MYDGF: variants seen among roughly 807,000 people sequenced by gnomAD.
MYDGF encodes myeloid derived growth factor.
A neutral mutation model predicts 24.2 loss-of-function variants in MYDGF; 29 were observed. That is an observed-to-expected ratio of 1.20 (90% CI 0.89 to 1.63). The LOEUF (loss-of-function observed/expected upper bound fraction) is 1.63. Ranked by LOEUF, MYDGF falls within the 40% of genes most tolerant of loss-of-function variation. MYDGF has a pLI of 0.00. For synonymous variants in MYDGF, 105 were observed against 102.5 expected (o/e 1.02, Z -0.15); for missense variants, 245 against 234.8 (o/e 1.04, Z -0.29).
chr19:4,659,210 A>C (rs2088449709), intron 5 of MYDGF, among the ~76,000 whole-genome samples: 1 of 150,476 alleles, frequency 6.6e-6, no homozygotes, highest in Non-Finnish European at 1.5e-5. Context: ...TAAGTAGCTG[A>C]GACTACAGGT....
At position 4,657,891 on chromosome 19, in the gene MYDGF, A is replaced by G. The variant is rs2145180982; in HGVS notation, c.*114T>C. On this transcript the variant is annotated 3_prime_UTR_variant, in exon 6 of 6. Transcript: ENST00000262947. Reference sequence around the variant, plus strand: ...CGGACAAGGCAACGTCAGCCCAGGTAGAAAACTTAAGAGTCCCTCCTAGAA... The same window carrying G: ...CGGACAAGGCAACGTCAGCCCAGGTGGAAAACTTAAGAGTCCCTCCTAGAA... 1 of 975,190 alleles carries G rather than the reference A, an allele frequency of 1.0e-6. No individual in the cohort carries two copies. Among genetic ancestry groups the G allele is most frequent in the East Asian group, 2.7e-5 (1 of 37,206 alleles). 60.4% of individuals were successfully genotyped at this position (975,190 alleles called of 1,614,324 possible).
rs1271292037 is a variant in MYDGF at position 4,660,682 on chromosome 19, T to A, written c.356A>T (p.Tyr119Phe). The change falls in exon 4 of 6, where the codon TAC (tyrosine) becomes TTC (phenylalanine). Residue 119 changes from tyrosine (Y) to phenylalanine (F), a missense_variant. By Grantham distance (22) the Tyr-to-Phe change is conservative (BLOSUM62 3). Transcript: ENST00000262947. ...CAAGATACTCACGTAGGCCATGGCG[T>A]ACTCAATCTCAGCGCCCCGCACCTC... The part of the protein sequence containing the change: ...KAEVRGAEIE[Y>F]AMAYSKAAFE... 1 of 1,613,920 alleles carries A rather than the reference T, an allele frequency of 6.2e-7. No homozygotes were observed. Among genetic ancestry groups the A allele is most frequent in the Non-Finnish European group, 8.5e-7 (1 of 1,179,978 alleles).
chr19:4,663,666 C>T (rs2088496712), intron 3 of MYDGF, among the ~76,000 whole-genome samples: 1 of 110,698 alleles, frequency 9.0e-6, no homozygotes, highest in African/African-American at 3.7e-5. Flanking sequence ...TCTACAGCCT[C>T]CAGTATACCC....
At chr19:4,665,253 C>A (rs2088511714) in intron 2 of MYDGF, among the ~76,000 whole-genome samples, 2 of 152,222 alleles carry the variant, frequency 1.3e-5, no homozygotes, top group African/African-American at 4.8e-5. Flanking sequence ...GATGGAGTCT[C>A]TCTCTGTGGC....
chr19:4,667,192 G>A (rs889575778), intron 2 of MYDGF, among the ~76,000 whole-genome samples: 14 of 144,884 alleles, frequency 9.7e-5, no homozygotes, highest in Admixed American at 3.5e-4. Flanking sequence ...GCAGTGGCGC[G>A]ATCTTGGCTC....
At chr19:4,658,731 G>T (rs954550500) in intron 5 of MYDGF, among the ~76,000 whole-genome samples, 1 of 152,064 alleles carries the variant, frequency 6.6e-6, no homozygotes, top group Admixed American at 6.6e-5. Context: ...GCCTCCCCTC[G>T]GCATGCCACA....
chr19:4,663,428 A>AT (rs1412925898), intron 3 of MYDGF, among the ~76,000 whole-genome samples: 1 of 27,474 alleles, frequency 3.6e-5, no homozygotes, highest in East Asian at 1.1e-3. Flanking sequence ...CTCTCCACCC[A>AT]CCCCATCCTC....
chr19:4,662,084 C>G (rs1474796336), intron 3 of MYDGF, among the ~76,000 whole-genome samples: 1 of 152,148 alleles, frequency 6.6e-6, no homozygotes, highest in Non-Finnish European at 1.5e-5. Context: ...GGGGCCTTGG[C>G]CTGCCTGTGA....
In MYDGF at chr19:4,668,581, T is replaced by A. The variant is rs1047261307; in HGVS notation, c.225+14A>T. The A allele has an allele frequency of 1.2e-6, 2 of 1,606,258 alleles. No individual in the cohort carries two copies. The highest frequency in any genetic ancestry group is 8.5e-7 in the Non-Finnish European group (1 of 1,173,074). ...ACTGTCACAGTAAGCTAGAGGGAAT[T>A]TTGAACAACTCACCTCATTGGTCCC... On this transcript the variant is annotated intron_variant, in intron 2 of 5. Transcript: ENST00000262947.
chr19:4,665,970 T>C (rs1371187445), intron 2 of MYDGF, among the ~76,000 whole-genome samples: 2 of 151,590 alleles, frequency 1.3e-5, no homozygotes, highest in Admixed American at 6.6e-5. Context: ...CATATGGGTG[T>C]GAAAACCAAG....
At chr19:4,666,574 C>A (rs1415520079) in intron 2 of MYDGF, among the ~76,000 whole-genome samples, 5 of 152,210 alleles carry the variant, frequency 3.3e-5, no homozygotes, top group East Asian at 1.9e-4. Context: ...CCGCGCCCAG[C>A]CCAGTTTTAC....
chr19:4,661,646 T>G (rs1010647412), intron 3 of MYDGF, among the ~76,000 whole-genome samples: 6 of 152,046 alleles, frequency 3.9e-5, no homozygotes, highest in Admixed American at 2.6e-4. Flanking sequence ...AGGGGGGCCA[T>G]TTCTGTGGAA....
At chr19:4,666,233 C>CA (rs1599839614) in intron 2 of MYDGF, among the ~76,000 whole-genome samples, 1 of 151,844 alleles carries the variant, frequency 6.6e-6, no homozygotes, top group Admixed American at 6.6e-5. Context: ...GGATTTCTTA[C>CA]AAGTGAATGT....
At chr19:4,665,072 G>A in intron 2 of MYDGF, 135 bp from the exon 3 acceptor site, 1 of 924,470 alleles carries the variant, frequency 1.1e-6, no homozygotes, top group Non-Finnish European at 1.6e-6. Flanking sequence ...TAAATCCCCT[G>A]CCCCGCCCTC....
intron 2 of MYDGF, 24 bp from the exon 3 acceptor site, chr19:4,664,961 TCAG>T (rs1436571277): frequency 1.9e-6 from 3 of 1,610,500 alleles, no homozygotes; most frequent in Non-Finnish European, 2.5e-6. Context: ...ACAGCGCGGG[TCAG>T]CCCCGGACAC....
chr19:4,664,765 T>G, intron 3 of MYDGF, 111 bp downstream of exon 3: 2 of 1,218,654 alleles, frequency 1.6e-6, no homozygotes, highest in South Asian at 1.4e-5. Context: ...CCTGCTGGTC[T>G]GTCTTCCCCT....
chr19:4,666,215 T>TA (rs2088520492), intron 2 of MYDGF, among the ~76,000 whole-genome samples: 2 of 152,080 alleles, frequency 1.3e-5, no homozygotes, highest in Non-Finnish European at 2.9e-5. Context: ...TACTTGGATC[T>TA]CTCTGTAGGA....
chr19:4,666,738 A>G (rs1278971390), intron 2 of MYDGF, among the ~76,000 whole-genome samples: 2 of 152,158 alleles, frequency 1.3e-5, no homozygotes, highest in Non-Finnish European at 2.9e-5. Context: ...CCACACGTCC[A>G]TGCAACTGAA....
chr19:4,657,883 G>T lies in MYDGF; in HGVS notation c.*122C>A. On this transcript the variant is annotated 3_prime_UTR_variant, in exon 6 of 6. Transcript: ENST00000262947. ...AGCCCCTCCGGACAAGGCAACGTCA[G>T]CCCAGGTAGAAAACTTAAGAGTCCC... The T allele has an allele frequency of 1.1e-6, 1 of 920,160 alleles. No individual in the cohort carries two copies. The highest frequency in any genetic ancestry group is 1.6e-6 in the Non-Finnish European group (1 of 623,046). The allele number at this position is 920,160 out of a possible 1,614,324, so 57.0% of individuals were successfully genotyped here.
Sources: gnomAD v4.1 joint callset for allele counts (sites outside exome capture counted in the v4.1 genomes callset) on GRCh38, gnomAD v4.1.1 for gene constraint, MANE v1.5 for transcripts, NCBI Gene and HGNC (gene_info 2026-07-23, HGNC 2026-07-21) for gene names.